PTPRQ: variants seen among roughly 807,000 people sequenced by gnomAD.
PTPRQ encodes the protein protein tyrosine phosphatase receptor type Q, also known as phosphatidylinositol phosphatase PTPRQ.
PTPRQ carries 199 observed loss-of-function variants against 246.0 expected under a neutral mutation model. The ratio of observed to expected loss-of-function variants is 0.81; its 90% CI spans 0.72 to 0.91. The LOEUF is 0.91. Among genes scored for constraint, PTPRQ ranks in the 40% least tolerant of loss-of-function variants. The probability of loss-of-function intolerance (pLI) is 0.00; values close to 1 mark genes in which losing one functional copy is unlikely to be tolerated. For missense variants in PTPRQ, 2,624 were observed against 2,528.4 expected, an observed-to-expected ratio of 1.04 and a Z score of -0.81; for synonymous variants, 869 against 853.2, an observed-to-expected ratio of 1.02 and a Z score of -0.32.
chr12:80,477,901 T>A (rs1430233098), intron 8 of PTPRQ, among the ~76,000 whole-genome samples: 1 of 152,132 alleles, frequency 6.6e-6, no homozygotes, highest in Non-Finnish European at 1.5e-5. Context: ...TCTCGCTGAT[T>A]GCTAGTACAG....
intron 14 of PTPRQ, among the ~76,000 whole-genome samples, chr12:80,499,553 A>G (rs1437693359): frequency 6.6e-6 from 1 of 151,962 alleles, no homozygotes; most frequent in African/African-American, 2.4e-5. Context: ...TATACCTTCT[A>G]TTCATGTAAA....
At chr12:80,662,930 C>G (rs1900677258) in intron 39 of PTPRQ, among the ~76,000 whole-genome samples, 4 of 151,898 alleles carry the variant, frequency 2.6e-5, no homozygotes, top group Admixed American at 1.3e-4. Flanking sequence ...AAATAGCAAA[C>G]AGAATTGACA....
At chr12:80,556,476 G>A (rs1050249492) in intron 25 of PTPRQ, among the ~76,000 whole-genome samples, 2 of 152,172 alleles carry the variant, frequency 1.3e-5, no homozygotes, top group African/African-American at 4.8e-5. Flanking sequence ...ATTGGAAAAG[G>A]ATGATATGGC....
chr12:80,573,488 T>TA (rs879518524), intron 25 of PTPRQ, among the ~76,000 whole-genome samples: 244 of 144,020 alleles, frequency 1.7e-3, no homozygotes, highest in Middle Eastern at 3.6e-3. Flanking sequence ...GACTCCGTCT[T>TA]AAAAAAAAAA....
chr12:80,633,077 G>T (rs1565831291), intron 34 of PTPRQ, among the ~76,000 whole-genome samples: 1 of 152,100 alleles, frequency 6.6e-6, no homozygotes, highest in Non-Finnish European at 1.5e-5. Context: ...CTTTCGGCCG[G>T]CTGGCAAAGG....
At chr12:80,480,805 T>C (rs1369740890) in intron 8 of PTPRQ, among the ~76,000 whole-genome samples, 7 of 151,916 alleles carry the variant, frequency 4.6e-5, no homozygotes, top group South Asian at 2.1e-4. Context: ...ACACATACAC[T>C]CTCCCAAGAC....
At chr12:80,539,546 C>T (rs909025917) in intron 19 of PTPRQ, among the ~76,000 whole-genome samples, 1 of 151,972 alleles carries the variant, frequency 6.6e-6, no homozygotes, top group Non-Finnish European at 1.5e-5. Flanking sequence ...TTATTCTTTG[C>T]TATTTTTTTG....
chr12:80,533,494 A>C (rs1350542967), intron 17 of PTPRQ, among the ~76,000 whole-genome samples: 2 of 151,858 alleles, frequency 1.3e-5, no homozygotes, highest in South Asian at 2.1e-4. Flanking sequence ...TTTCTATTAA[A>C]TAACTATAGG....
intron 16 of PTPRQ, among the ~76,000 whole-genome samples, chr12:80,506,887 A>C (rs1894977666): frequency 6.6e-6 from 1 of 151,992 alleles, no homozygotes; most frequent in Non-Finnish European, 1.5e-5. Flanking sequence ...TTATTTTCTG[A>C]AGTCATCAGT....
chr12:80,522,427 C>G (rs1231196525), intron 17 of PTPRQ, among the ~76,000 whole-genome samples: 1 of 152,116 alleles, frequency 6.6e-6, no homozygotes, highest in Non-Finnish European at 1.5e-5. Flanking sequence ...GAGAGGGCAT[C>G]CCTGTCTTGT....
At chr12:80,575,885 A>AATCTTTTG (rs1897268236) in intron 25 of PTPRQ, among the ~76,000 whole-genome samples, 1 of 151,860 alleles carries the variant, frequency 6.6e-6, no homozygotes, top group East Asian at 1.9e-4. Flanking sequence ...AAGAAAAGAA[A>AATCTTTTG]ATCTTTTGGC....
intron 6 of PTPRQ, chr12:80,465,149 G>T (rs1308639342): frequency 6.8e-6 from 1 of 147,574 alleles, no homozygotes; most frequent in African/African-American, 2.5e-5. Flanking sequence ...TCAAATAGAT[G>T]CAATAAAAAA....
At chr12:80,577,389 TC>T (rs1490719542) in intron 25 of PTPRQ, among the ~76,000 whole-genome samples, 8 of 152,082 alleles carry the variant, frequency 5.3e-5, no homozygotes, top group African/African-American at 1.9e-4. Context: ...AACTATCAGA[TC>T]TTGTGAGACC....
intron 8 of PTPRQ, among the ~76,000 whole-genome samples, chr12:80,482,413 A>G (rs942164114): frequency 9.2e-5 from 14 of 152,254 alleles, no homozygotes; most frequent in Admixed American, 2.6e-4. Context: ...ACCTAAAACC[A>G]TAAAAACCCT....
chr12:80,678,375 G>A (rs893909017), intron 43 of PTPRQ, among the ~76,000 whole-genome samples: 1 of 152,070 alleles, frequency 6.6e-6, no homozygotes, highest in African/African-American at 2.4e-5. Context: ...TTGGTGTTTA[G>A]TGACAAGTGT....
intron 23 of PTPRQ, among the ~76,000 whole-genome samples, chr12:80,545,702 T>G (rs1306640138): frequency 1.3e-5 from 2 of 150,742 alleles, no homozygotes; most frequent in African/African-American, 4.8e-5. Context: ...CTGGGAAAAC[T>G]CCCAATTTAA....
At chr12:80,636,695 C>T (rs764422019) in intron 35 of PTPRQ, among the ~76,000 whole-genome samples, 6 of 152,184 alleles carry the variant, frequency 3.9e-5, no homozygotes, top group Non-Finnish European at 7.3e-5. Flanking sequence ...CCCTCCCCAA[C>T]ACTGGTAGGC....
At chr12:80,536,933 A>G (rs1446172955) in intron 19 of PTPRQ, among the ~76,000 whole-genome samples, 1 of 152,170 alleles carries the variant, frequency 6.6e-6, no homozygotes, top group African/African-American at 2.4e-5. Flanking sequence ...TATGTGATTT[A>G]TATTTTGGTT....
At chr12:80,631,339 G>C (rs1409719775) in intron 33 of PTPRQ, among the ~76,000 whole-genome samples, 1 of 151,918 alleles carries the variant, frequency 6.6e-6, no homozygotes, top group African/African-American at 2.4e-5. Flanking sequence ...ACATTCACAT[G>C]TGGCCTCCGA....
Sources: gnomAD v4.1 joint callset for allele counts (sites outside exome capture counted in the v4.1 genomes callset) on GRCh38, gnomAD v4.1.1 for gene constraint, MANE v1.5 for transcripts, NCBI Gene and HGNC (gene_info 2026-07-23, HGNC 2026-07-21) for gene names.